RAPGEF1: variants seen among roughly 807,000 people sequenced by gnomAD.
RAPGEF1 encodes Rap guanine nucleotide exchange factor 1.
RAPGEF1 carries 33 observed loss-of-function variants against 143.3 expected under a neutral mutation model. The ratio of observed to expected loss-of-function variants is 0.23; its 90% CI spans 0.17 to 0.31. The LOEUF (loss-of-function observed/expected upper bound fraction) is 0.31. RAPGEF1 is among the 10% of genes least tolerant of loss of function. RAPGEF1 has a pLI of 1.00. For missense variants in RAPGEF1, 1,199 were observed against 1,645.4 expected, an observed-to-expected ratio of 0.73 and a Z score of 4.69; for synonymous variants, 629 against 676.5, an observed-to-expected ratio of 0.93 and a Z score of 1.09.
intron 1 of RAPGEF1, among the ~76,000 whole-genome samples, chr9:131,672,619 G>A (rs1357064730): frequency 6.6e-6 from 1 of 152,230 alleles, no homozygotes; most frequent in African/African-American, 2.4e-5. Context: ...TTGGGCCAAA[G>A]ACGGGGAGGG....
rs755361486 is a variant in RAPGEF1, at chr9:131,584,600, C to A, written c.3234-4G>T. 6.2e-7 allele frequency: 1 copy of A among 1,613,872 alleles called. No individual in the cohort carries two copies. The highest frequency in any genetic ancestry group is 8.5e-7 in the Non-Finnish European group (1 of 1,179,796). The stretch of plus-strand genomic sequence containing the variant: ...TAACATGATTATGGACCGGACCCTG[C>A]ATGGACCAAGGGAAAAAGAAACAGC... On this transcript the variant is annotated splice_polypyrimidine_tract_variant and splice_region_variant and intron_variant, in intron 22 of 26. Transcript: ENST00000683357. The surrounding 1 kb of genome is among the most constrained non-coding windows in gnomAD (Gnocchi z 6.8).
Position 131,579,309 on chromosome 9 carries a change from C to G in RAPGEF1, c.*188G>C. ...TGCCCTGAGGCCCACGGGTCTGCTC[C>G]CACAGAGGAAGGAGGCAGGAAGCGG... On this transcript the variant is annotated 3_prime_UTR_variant, in exon 27 of 27. Coordinates refer to ENST00000683357, the MANE Select transcript of RAPGEF1 (RefSeq NM_001377935.1). 1 of 761,594 alleles carries G rather than the reference C, an allele frequency of 1.3e-6. No individual in the cohort carries two copies. The highest frequency in any genetic ancestry group is 2.1e-6 in the Non-Finnish European group (1 of 471,838). The allele number at this position is 761,594 out of a possible 1,614,324, so 47.2% of individuals were successfully genotyped here. A position where few individuals can be genotyped will look rare whatever the true frequency, so the allele number is the denominator to read the frequency against.
At chr9:131,738,731 C>T (rs1837571523) in intron 1 of RAPGEF1, among the ~76,000 whole-genome samples, 1 of 152,184 alleles carries the variant, frequency 6.6e-6, no homozygotes, top group Non-Finnish European at 1.5e-5. Context: ...ATAAAGCCTA[C>T]AAAAATGTCC....
intron 1 of RAPGEF1, among the ~76,000 whole-genome samples, chr9:131,706,744 G>T (rs529947279): frequency 6.6e-6 from 1 of 152,320 alleles, no homozygotes; most frequent in South Asian, 2.1e-4. Flanking sequence ...TTCCTTCTGA[G>T]ATGGACTTTG....
intron 1 of RAPGEF1, among the ~76,000 whole-genome samples, chr9:131,669,580 C>T (rs1831017946): frequency 6.6e-6 from 1 of 152,186 alleles, no homozygotes; most frequent in South Asian, 2.1e-4. Flanking sequence ...AGTTCAGGCT[C>T]CTTCCTCCGA....
chr9:131,618,053 A>G (rs1385893459), intron 12 of RAPGEF1, among the ~76,000 whole-genome samples: 1 of 152,244 alleles, frequency 6.6e-6, no homozygotes, highest in East Asian at 1.9e-4. Context: ...GCCCCGTGCA[A>G]CATGACTTAG....
At chr9:131,604,834 T>C (rs7045121) in intron 13 of RAPGEF1, 97 bp downstream of exon 13, 415,675 of 1,209,706 alleles carry the variant, frequency 0.34, 73,000 homozygotes, top group Middle Eastern at 0.37. Flanking sequence ...AGGCAGTGTC[T>C]TTCAGGAACG....
chr9:131,615,739 G>T (rs7019029), intron 12 of RAPGEF1, among the ~76,000 whole-genome samples: 2,031 of 152,222 alleles, frequency 0.013, 51 homozygotes, highest in African/African-American at 0.047. Context: ...AGGTCCTTCT[G>T]TTTGGAACAT....
intron 1 of RAPGEF1, chr9:131,709,804 G>T (rs1435708557): frequency 5.9e-5 from 88 of 1,494,048 alleles, no homozygotes; most frequent in Non-Finnish European, 7.6e-5. Flanking sequence ...CCCAGCGGCA[G>T]AACCCAGGCA....
At position 131,589,125 on chromosome 9, in the gene RAPGEF1, A is replaced by G. The variant is rs1042652803; in HGVS notation, c.2868-139T>C. ...GGGAAATTTCTCATGGGAAGAGAGCAGGAGACGAGAGCCTGGGATGGCTGC... is the reference window on the plus strand; with the variant it reads ...GGGAAATTTCTCATGGGAAGAGAGCGGGAGACGAGAGCCTGGGATGGCTGC... On this transcript the variant is annotated intron_variant, in intron 19 of 26. Transcript: ENST00000683357. 5.1e-6 allele frequency: 4 copies of G among 787,320 alleles called. No individual in the cohort carries two copies. The African/African-American group carries it at 5.2e-5, about 10-fold the overall frequency. 48.8% of individuals were successfully genotyped at this position (787,320 alleles called of 1,614,324 possible).
intron 15 of RAPGEF1, 97 bp downstream of exon 15, chr9:131,601,964 C>T: frequency 2.4e-6 from 2 of 829,702 alleles, no homozygotes; most frequent in Non-Finnish European, 1.9e-6. Flanking sequence ...GAAATACCCT[C>T]AGGCCTAGGG....
At chr9:131,697,223 G>C (rs945256763) in intron 1 of RAPGEF1, among the ~76,000 whole-genome samples, 1 of 152,112 alleles carries the variant, frequency 6.6e-6, no homozygotes, top group Non-Finnish European at 1.5e-5. Flanking sequence ...CACTCAGCTG[G>C]CTGGGATCCC....
At chr9:131,734,510 G>A (rs1323629536) in intron 1 of RAPGEF1, among the ~76,000 whole-genome samples, 1 of 152,230 alleles carries the variant, frequency 6.6e-6, no homozygotes, top group Non-Finnish European at 1.5e-5. Flanking sequence ...CAACAAGGAG[G>A]CACTCAGTAA....
At chr9:131,709,239 C>A (rs1835328081) in intron 1 of RAPGEF1, among the ~76,000 whole-genome samples, 1 of 152,096 alleles carries the variant, frequency 6.6e-6, no homozygotes, top group South Asian at 2.1e-4. Flanking sequence ...CCTAGCAACT[C>A]AGGAGGCTGA....
At chr9:131,619,949 G>A (rs563856609) in intron 11 of RAPGEF1, among the ~76,000 whole-genome samples, 9 of 152,284 alleles carry the variant, frequency 5.9e-5, no homozygotes, top group South Asian at 2.1e-4. Context: ...TTCTAGCTGT[G>A]GGCTTGGATT....
intron 12 of RAPGEF1, among the ~76,000 whole-genome samples, chr9:131,608,699 G>C (rs544961397): frequency 1.3e-3 from 192 of 152,304 alleles, no homozygotes; most frequent in African/African-American, 4.4e-3. Flanking sequence ...ACCTTCACGG[G>C]GCAGGGAGAC....
At chr9:131,676,485 G>C (rs1832378580) in intron 1 of RAPGEF1, among the ~76,000 whole-genome samples, 1 of 152,172 alleles carries the variant, frequency 6.6e-6, no homozygotes, top group African/African-American at 2.4e-5. Context: ...ACTTAACTTG[G>C]CTCCCAGCCC....
chr9:131,638,875 G>T, intron 4 of RAPGEF1, 84 bp from the exon 5 acceptor site: 1 of 1,396,696 alleles, frequency 7.2e-7, no homozygotes, highest in East Asian at 2.5e-5. Context: ...GGTGACAAGG[G>T]TGTGTTTCTC....
In RAPGEF1 at chr9:131,586,838, TCAAA is replaced by T. The variant is rs1214689915; in HGVS notation, c.3233+894_3233+897del. 3.8e-4 allele frequency among the ~76,000 whole-genome samples: 20 copies of T among 52,970 alleles called. 1 individual carries two copies. The highest frequency in any genetic ancestry group is 1.4e-3 in the African/African-American group (20 of 14,268). 34.8% of individuals were successfully genotyped at this position (52,970 alleles called of 152,430 possible). ...CACACCTGCAGAGCGAGACTCCGTC[TCAAA>T]CACACACACACACACACACACACCT... On this transcript the variant is annotated intron_variant, in intron 22 of 26. Transcript: ENST00000683357.
Sources: allele counts gnomAD v4.1 joint callset (sites outside exome capture counted in the v4.1 genomes callset), GRCh38; gene constraint gnomAD v4.1.1; non-coding constraint Gnocchi (gnomAD v3.1); transcripts MANE v1.5; gene names NCBI Gene and HGNC (gene_info 2026-07-23, HGNC 2026-07-21).